The following NCKAP5L variants were observed in gnomAD, a reference collection of about 807,000 sequenced individuals.
The protein encoded by NCKAP5L is NCK associated protein 5 like.
In NCKAP5L, 54 loss-of-function variants were observed where a neutral mutation model predicts 103.2. The ratio of observed to expected loss-of-function variants is 0.52; its 90% CI spans 0.42 to 0.66. The LOEUF (loss-of-function observed/expected upper bound fraction) is 0.66. NCKAP5L is among the 30% of genes least tolerant of loss of function. The pLI is 0.00. For missense variants in NCKAP5L, 1,733 were observed against 1,750.6 expected, an observed-to-expected ratio of 0.99 and a Z score of 0.18; for synonymous variants, 762 against 748.6, an observed-to-expected ratio of 1.02 and a Z score of -0.29.
intron 1 of NCKAP5L, among the ~76,000 whole-genome samples, chr12:49,824,167 C>G (rs1946390689): frequency 1.3e-5 from 2 of 152,194 alleles, no homozygotes; most frequent in Admixed American, 6.5e-5. Context: ...AGCTGGGAGT[C>G]AAGGCCTCTG....
At chr12:49,823,009 T>C (rs1946377662) in intron 1 of NCKAP5L, among the ~76,000 whole-genome samples, 1 of 151,198 alleles carries the variant, frequency 6.6e-6, no homozygotes, top group Non-Finnish European at 1.5e-5. Flanking sequence ...AGGTGGCCGG[T>C]CAGATGAATG....
At position 49,792,290 on chromosome 12, in the gene NCKAP5L, G is replaced by T; in HGVS notation, c.3792+156C>A. 6.9e-7 allele frequency: 1 copy of T among 1,443,420 alleles called. No homozygotes were observed. 89.4% of individuals were successfully genotyped at this position (1,443,420 alleles called of 1,614,324 possible). ...AGAAGTGCAAGGAGGGCAGTGGGGAGGGCCGCTCACAGGGCATCCCAGGGG... is the reference window on the plus strand; with the variant it reads ...AGAAGTGCAAGGAGGGCAGTGGGGATGGCCGCTCACAGGGCATCCCAGGGG... On this transcript the variant is annotated intron_variant, in intron 12 of 12. Coordinates refer to ENST00000335999, the MANE Select transcript of NCKAP5L (RefSeq NM_001037806.4). The surrounding 1 kb of genome is among the most constrained non-coding windows in gnomAD (Gnocchi z 4.5).
At chr12:49,794,629 G>T in intron 8 of NCKAP5L, 136 bp downstream of exon 8, 1 of 593,262 alleles carries the variant, frequency 1.7e-6, no homozygotes. Flanking sequence ...TGCTTTGGTG[G>T]CCTTCTATCC....
chr12:49,810,810 CTAT>C (rs1392721543), intron 1 of NCKAP5L, among the ~76,000 whole-genome samples: 1 of 152,132 alleles, frequency 6.6e-6, no homozygotes, highest in African/African-American at 2.4e-5. Flanking sequence ...GGGTTTATTG[CTAT>C]TTTTAAACAA....
Position 49,797,449 on chromosome 12 carries a change from T to TCCAGGC in NCKAP5L, c.466-61_466-56dup. 1.5e-6 allele frequency: 2 copies of TCCAGGC among 1,367,598 alleles called. No individual in the cohort carries two copies. The highest frequency in any genetic ancestry group is 2.7e-5 in the South Asian group (2 of 73,492). The allele number at this position is 1,367,598 out of a possible 1,614,324, so 84.7% of individuals were successfully genotyped here. ...AGACCACACACAGCTGGGATCCAGT[T>TCCAGGC]CCAGGCCCAGGCCCTGGGCTGGCTT... On this transcript the variant is annotated intron_variant, in intron 7 of 12. Transcript: ENST00000335999. The surrounding 1 kb of genome is among the most constrained non-coding windows in gnomAD (Gnocchi z 4.5).
chr12:49,802,147 T>C (rs1357953087), intron 5 of NCKAP5L, 180 bp from the exon 6 acceptor site: 9 of 629,732 alleles, frequency 1.4e-5, no homozygotes, highest in African/African-American at 5.5e-5. Context: ...AGCTATAGCA[T>C]CTTCTAGGGA....
At chr12:49,809,499 G>A (rs1289033077) in intron 1 of NCKAP5L, among the ~76,000 whole-genome samples, 1 of 152,156 alleles carries the variant, frequency 6.6e-6, no homozygotes, top group Non-Finnish European at 1.5e-5. Context: ...GTGGGCAGCT[G>A]TAGGAAGGCA....
At chr12:49,825,609 T>C (rs1946407541) in intron 1 of NCKAP5L, among the ~76,000 whole-genome samples, 1 of 152,072 alleles carries the variant, frequency 6.6e-6, no homozygotes, top group Non-Finnish European at 1.5e-5. Context: ...CATTAGCCAC[T>C]TTCTGGGAAA....
chr12:49,809,658 G>C (rs1011255538), intron 1 of NCKAP5L, among the ~76,000 whole-genome samples: 1 of 152,136 alleles, frequency 6.6e-6, no homozygotes, highest in Non-Finnish European at 1.5e-5. Context: ...AGCAACTTCT[G>C]TCCCCACAGC....
intron 1 of NCKAP5L, among the ~76,000 whole-genome samples, chr12:49,813,242 G>A (rs1055846329): frequency 6.6e-6 from 1 of 152,172 alleles, no homozygotes; most frequent in Non-Finnish European, 1.5e-5. Flanking sequence ...TCCAGAGCAG[G>A]TGTACCATTT....
At chr12:49,812,110 C>G (rs1254743387) in intron 1 of NCKAP5L, among the ~76,000 whole-genome samples, 1 of 152,128 alleles carries the variant, frequency 6.6e-6, no homozygotes, top group Non-Finnish European at 1.5e-5. Context: ...TTAGTATACT[C>G]AGAGATACGT....
At chr12:49,814,531 G>A (rs1037677151) in intron 1 of NCKAP5L, among the ~76,000 whole-genome samples, 8 of 151,502 alleles carry the variant, frequency 5.3e-5, no homozygotes, top group African/African-American at 1.9e-4. Flanking sequence ...CATTCTGTGG[G>A]CTGTCTTTTC....
intron 1 of NCKAP5L, among the ~76,000 whole-genome samples, chr12:49,808,527 G>C (rs1260305115): frequency 6.6e-6 from 1 of 152,208 alleles, no homozygotes; most frequent in Non-Finnish European, 1.5e-5. Flanking sequence ...AAAACTTCCT[G>C]CGTCCTTACC....
chr12:49,825,133 G>C (rs1178804957), intron 1 of NCKAP5L, among the ~76,000 whole-genome samples: 2 of 152,204 alleles, frequency 1.3e-5, no homozygotes, highest in East Asian at 3.8e-4. Flanking sequence ...TTTAACATGA[G>C]GGCGTTGGAC....
At chr12:49,793,657 G>A in intron 9 of NCKAP5L, 77 bp downstream of exon 9, 1 of 1,453,830 alleles carries the variant, frequency 6.9e-7, no homozygotes, top group Middle Eastern at 2.1e-4. Context: ...TGGGGAAGGG[G>A]AACCCTCTAG....
chr12:49,811,849 G>T (rs1461124032), intron 1 of NCKAP5L, among the ~76,000 whole-genome samples: 1 of 152,068 alleles, frequency 6.6e-6, no homozygotes, highest in Non-Finnish European at 1.5e-5. Context: ...AAATACTCTA[G>T]ATACTTCAAA....
rs770684804 is a variant in NCKAP5L, at chr12:49,794,822, C to G, written c.3038G>C (p.Gly1013Ala). 9.1e-6 allele frequency: 14 copies of G among 1,544,160 alleles called. No individual in the cohort carries two copies. Among genetic ancestry groups the G allele is most frequent in the Non-Finnish European group, 1.2e-5 (14 of 1,145,522 alleles). The change falls in exon 8 of 13, where the codon GGC (glycine) becomes GCC (alanine). Residue 1013 changes from glycine (G) to alanine (A), a missense_variant. Coordinates refer to ENST00000335999, the MANE Select transcript of NCKAP5L (RefSeq NM_001037806.4). ...ACCTTGGTACATGCCAGCCAGCTGG[C>G]CCTGCACCTGCCCCAGCCCCGTGTT... ...GPNTGLGQVQ[G>A]QLAGMYQGAD...
chr12:49,812,919 A>G (rs954846137), intron 1 of NCKAP5L, among the ~76,000 whole-genome samples: 7 of 152,208 alleles, frequency 4.6e-5, no homozygotes, highest in African/African-American at 1.7e-4. Flanking sequence ...ATTTGCATAA[A>G]ACCTAAACAC....
chr12:49,819,306 C>T (rs1384319617), intron 1 of NCKAP5L, among the ~76,000 whole-genome samples: 6 of 130,466 alleles, frequency 4.6e-5, no homozygotes, highest in Admixed American at 1.4e-4. Flanking sequence ...TGCAAGACTC[C>T]GCTTCAAAAA....
Sources: allele counts gnomAD v4.1 joint callset (sites outside exome capture counted in the v4.1 genomes callset), GRCh38; gene constraint gnomAD v4.1.1; non-coding constraint Gnocchi (gnomAD v3.1); transcripts MANE v1.5; gene names NCBI Gene and HGNC (gene_info 2026-07-23, HGNC 2026-07-21).